Variants in KATNAL2 observed in about 807,000 individuals in gnomAD.
The protein encoded by KATNAL2 is katanin p60 ATPase-containing subunit A-like 2.
In KATNAL2, 52 loss-of-function variants were observed where a neutral mutation model predicts 76.3. The ratio of observed to expected loss-of-function variants is 0.68; its 90% confidence interval spans 0.55 to 0.86. The LOEUF (loss-of-function observed/expected upper bound fraction) is 0.86. Ranked by LOEUF, KATNAL2 falls within the 40% of genes least tolerant of loss-of-function variation. The pLI is 0.00. For synonymous variants in KATNAL2, 243 were observed against 244.2 expected (o/e 1.00, Z 0.05); for missense variants, 660 against 668.9 (o/e 0.99, Z 0.15).
intron 15 of KATNAL2, among the ~76,000 whole-genome samples, chr18:47,087,154 T>A (rs1368366476): frequency 6.6e-6 from 1 of 152,212 alleles, no homozygotes; most frequent in Admixed American, 6.5e-5. Flanking sequence ...TCTGGTAATG[T>A]TTTTTGTTCC....
chr18:47,069,131 T>C (rs752250064), intron 11 of KATNAL2, 89 bp from the exon 12 acceptor site: 1 of 915,332 alleles, frequency 1.1e-6, no homozygotes, highest in Non-Finnish European at 1.7e-6. Flanking sequence ...TGTGCTGCTT[T>C]GACTTCAGCT....
At chr18:46,946,756 G>A (rs1377662443) in intron 2 of KATNAL2, 98 bp from the exon 3 acceptor site, 4 of 1,213,914 alleles carry the variant, frequency 3.3e-6, no homozygotes, top group South Asian at 1.3e-5. Context: ...GGCGTGTCTG[G>A]GCTCTAGCCA....
chr18:47,083,866 C>T (rs913579434), intron 15 of KATNAL2, among the ~76,000 whole-genome samples: 8 of 152,278 alleles, frequency 5.3e-5, no homozygotes, highest in Middle Eastern at 3.4e-3. Context: ...CTATTTAACT[C>T]TCTGGGAGTT....
intron 11 of KATNAL2, 49 bp from the exon 12 acceptor site, chr18:47,069,171 A>G (rs1285921078): frequency 7.7e-7 from 1 of 1,301,274 alleles, no homozygotes; most frequent in Admixed American, 1.8e-5. Flanking sequence ...GAGAGTATGC[A>G]GGCTGATGTG....
At chr18:46,960,843 A>C (rs2059916736) in intron 3 of KATNAL2, among the ~76,000 whole-genome samples, 1 of 152,230 alleles carries the variant, frequency 6.6e-6, no homozygotes, top group Non-Finnish European at 1.5e-5. Flanking sequence ...TAAACTGTAG[A>C]GGGACGAGAC....
At position 47,052,636 on chromosome 18, in the gene KATNAL2, G is replaced by A. The variant is rs746364029; in HGVS notation, c.123-244G>A. On this transcript the variant is annotated intron_variant, in intron 4 of 17. Transcript: ENST00000683218. ...CACTTCCAAAAACATCCTTAACAAC[G>A]GTGACATCACCAGAATAAGTATGTA... is the stretch of plus-strand genomic sequence containing the variant. Among the ~76,000 whole-genome samples the A allele has an allele frequency of 7.9e-5, 12 of 152,122 alleles. No homozygotes were observed. The East Asian group carries it at 9.6e-4, about 12-fold the overall frequency.
At chr18:47,067,705 TGAG>T (rs1320549806) in intron 11 of KATNAL2, among the ~76,000 whole-genome samples, 1 of 152,190 alleles carries the variant, frequency 6.6e-6, no homozygotes, top group African/African-American at 2.4e-5. Context: ...AATGGGTTAA[TGAG>T]GAGATAAGTG....
chr18:47,096,048 A>C (rs550156834), intron 15 of KATNAL2, among the ~76,000 whole-genome samples: 27 of 152,354 alleles, frequency 1.8e-4, no homozygotes, highest in African/African-American at 5.8e-4. Context: ...AAATGCAAAA[A>C]AGAAATAGGT....
rs575166876 is a variant in KATNAL2, at chr18:47,065,450, G to T, written c.727-1571G>T. On this transcript the variant is annotated intron_variant, in intron 10 of 17. Transcript: ENST00000683218. ...GATTTTGGTATGGGGGAGAGTGTCGGGGGGGGAACAGGGAGAGGTTCTGGA... is the reference window on the plus strand; with the variant it reads ...GATTTTGGTATGGGGGAGAGTGTCGTGGGGGGAACAGGGAGAGGTTCTGGA... Among the ~76,000 whole-genome samples, 3 of 151,006 alleles carry T rather than the reference G, an allele frequency of 2.0e-5. No individual in the cohort carries two copies. In the South Asian group the frequency reaches 6.4e-4, roughly 32 times the overall value.
At chr18:47,084,285 C>T (rs1568013002) in intron 15 of KATNAL2, 1 of 700,792 alleles carries the variant, frequency 1.4e-6, no homozygotes. Flanking sequence ...GCAATGCATG[C>T]ATGTGATTGG....
intron 15 of KATNAL2, among the ~76,000 whole-genome samples, chr18:47,088,043 A>C (rs1181229773): frequency 2.0e-5 from 3 of 151,966 alleles, no homozygotes; most frequent in African/African-American, 7.3e-5. Flanking sequence ...CTCCACGGAC[A>C]CTCTAAGGTC....
At chr18:46,921,233 A>G (rs972511512) in intron 1 of KATNAL2, among the ~76,000 whole-genome samples, 5 of 152,050 alleles carry the variant, frequency 3.3e-5, no homozygotes, top group African/African-American at 1.2e-4. Context: ...AATTTAAGCA[A>G]TTCTCTGCCT....
intron 15 of KATNAL2, among the ~76,000 whole-genome samples, chr18:47,081,702 T>G (rs1235319709): frequency 6.6e-6 from 1 of 152,242 alleles, no homozygotes; most frequent in East Asian, 1.9e-4. Context: ...TTCTGTTTCT[T>G]AGTCTTCCCC....
intron 15 of KATNAL2, among the ~76,000 whole-genome samples, chr18:47,078,257 A>G (rs2062335074): frequency 6.6e-6 from 1 of 152,160 alleles, no homozygotes; most frequent in South Asian, 2.1e-4. Flanking sequence ...CTCTTGCTCT[A>G]CATTCAAAGA....
At chr18:46,942,915 C>T (rs1228853740) in intron 1 of KATNAL2, among the ~76,000 whole-genome samples, 1 of 151,402 alleles carries the variant, frequency 6.6e-6, no homozygotes, top group Non-Finnish European at 1.5e-5. Flanking sequence ...TTGTTTTCTT[C>T]CTTTAAAGAA....
intron 1 of KATNAL2, among the ~76,000 whole-genome samples, chr18:46,944,723 A>C (rs1401657554): frequency 6.6e-6 from 1 of 152,206 alleles, no homozygotes; most frequent in Non-Finnish European, 1.5e-5. Context: ...CAACAGAGCG[A>C]GACTTCGTCT....
rs373872961 is a variant in KATNAL2, at chr18:47,034,555, A to C, written c.52-11902A>C. On this transcript the variant is annotated intron_variant, in intron 3 of 17. Transcript: ENST00000683218. ...GGAGTGCCAATCTCCCTGGGCACAC[A>C]AGGGGCGTTTTTCCTGGCGAGACGA... 4.3e-5 allele frequency: 69 copies of C among 1,614,190 alleles called. No homozygotes were observed. In the African/African-American group the frequency reaches 8.4e-4, roughly 20 times the overall value.
At chr18:47,088,361 T>C (rs1172493984) in intron 15 of KATNAL2, among the ~76,000 whole-genome samples, 1 of 152,316 alleles carries the variant, frequency 6.6e-6, no homozygotes, top group East Asian at 1.9e-4. Flanking sequence ...ATTTCTTGTA[T>C]TATATCCAGG....
chr18:47,100,395 G>A (rs1279622015), intron 17 of KATNAL2, 39 bp downstream of exon 17: 1 of 1,538,724 alleles, frequency 6.5e-7, no homozygotes, highest in South Asian at 1.1e-5. Context: ...CCAGGAATTT[G>A]TGTAAAAATC....
Sources: gnomAD v4.1 joint callset for allele counts (sites outside exome capture counted in the v4.1 genomes callset) on GRCh38, gnomAD v4.1.1 for gene constraint, MANE v1.5 for transcripts, NCBI Gene and HGNC (gene_info 2026-07-23, HGNC 2026-07-21) for gene names.